Variants in GRM7 observed in about 807,000 individuals in gnomAD.
The protein encoded by GRM7 is glutamate metabotropic receptor 7, also known as metabotropic glutamate receptor 7.
A neutral mutation model predicts 84.5 loss-of-function variants in GRM7; 35 were observed. That is an observed-to-expected ratio of 0.41 (90% confidence interval 0.32 to 0.55). The LOEUF (loss-of-function observed/expected upper bound fraction) is 0.55. Ranked by LOEUF, GRM7 falls within the 20% of genes least tolerant of loss-of-function variation. GRM7 has a pLI of 0.19. For missense variants in GRM7, 1,003 were observed against 1,194.6 expected (o/e 0.84, Z 2.36); for synonymous variants, 487 against 455.1 (o/e 1.07, Z -0.89).
intron 4 of GRM7, among the ~76,000 whole-genome samples, chr3:7,408,795 C>A (rs1186726662): frequency 6.6e-6 from 1 of 152,156 alleles, no homozygotes; most frequent in African/African-American, 2.4e-5. Context: ...ATGCAAAATT[C>A]CCCATTTTGC....
At chr3:7,388,195 T>A (rs1482992584) in intron 4 of GRM7, among the ~76,000 whole-genome samples, 1 of 152,114 alleles carries the variant, frequency 6.6e-6, no homozygotes, top group African/African-American at 2.4e-5. Context: ...TTTGGCACAG[T>A]CTTAAGGGTT....
chr3:7,211,343 G>T (rs1696420931), intron 2 of GRM7, among the ~76,000 whole-genome samples: 1 of 152,156 alleles, frequency 6.6e-6, no homozygotes, highest in Admixed American at 6.5e-5. Flanking sequence ...ATTTCTTACA[G>T]GTAAGACACC....
intron 1 of GRM7, among the ~76,000 whole-genome samples, chr3:6,873,334 A>G (rs970516013): frequency 2.0e-5 from 3 of 152,102 alleles, no homozygotes; most frequent in Non-Finnish European, 4.4e-5. Context: ...TGGCCTCCCA[A>G]AGTGTTGGGA....
chr3:7,646,201 T>C (rs149920698), intron 8 of GRM7, among the ~76,000 whole-genome samples: 246 of 152,216 alleles, frequency 1.6e-3, no homozygotes, highest in African/African-American at 5.6e-3. Flanking sequence ...ATTATTATTA[T>C]TATTATTTGA....
At chr3:7,130,013 A>G (rs1238254361) in intron 1 of GRM7, among the ~76,000 whole-genome samples, 4 of 152,120 alleles carry the variant, frequency 2.6e-5, no homozygotes, top group African/African-American at 9.7e-5. Flanking sequence ...TGTGATTCGA[A>G]TTGTTTCTCA....
chr3:7,533,834 G>C (rs7650378), intron 7 of GRM7, among the ~76,000 whole-genome samples: 14 of 152,080 alleles, frequency 9.2e-5, no homozygotes, highest in Non-Finnish European at 1.9e-4. Flanking sequence ...GGTAATAGGA[G>C]CTGTGCCATC....
intron 6 of GRM7, among the ~76,000 whole-genome samples, chr3:7,459,707 C>G (rs1698161648): frequency 6.6e-6 from 1 of 152,080 alleles, no homozygotes; most frequent in African/African-American, 2.4e-5. Flanking sequence ...GTCCCTCCCA[C>G]AACACATAGG....
intron 2 of GRM7, among the ~76,000 whole-genome samples, chr3:7,263,582 G>A (rs375889279): frequency 8.5e-5 from 13 of 152,218 alleles, no homozygotes; most frequent in African/African-American, 2.9e-4. Context: ...GGTCATGTTA[G>A]CATGAGGGTG....
intron 9 of GRM7, among the ~76,000 whole-genome samples, chr3:7,734,939 G>A (rs984542650): frequency 2.6e-5 from 4 of 152,136 alleles, no homozygotes; most frequent in African/African-American, 9.7e-5. Flanking sequence ...AATGAGAATT[G>A]AGATGTTGAA....
chr3:6,999,579 G>C (rs1389457511), intron 1 of GRM7, among the ~76,000 whole-genome samples: 1 of 152,134 alleles, frequency 6.6e-6, no homozygotes, highest in African/African-American at 2.4e-5. Flanking sequence ...ACACATCTGA[G>C]ACTGGGTAAT....
At chr3:7,384,538 T>C (rs958866162) in intron 4 of GRM7, among the ~76,000 whole-genome samples, 3 of 152,226 alleles carry the variant, frequency 2.0e-5, no homozygotes, top group African/African-American at 7.2e-5. Context: ...ATTAAGTTTA[T>C]AATATATTTT....
At chr3:7,457,278 C>T (rs936905993) in intron 6 of GRM7, among the ~76,000 whole-genome samples, 1 of 152,100 alleles carries the variant, frequency 6.6e-6, no homozygotes, top group Non-Finnish European at 1.5e-5. Flanking sequence ...ACCCTAAAGG[C>T]ATTGATACAG....
chr3:6,930,378 A>T (rs339021), intron 1 of GRM7, among the ~76,000 whole-genome samples: 32,498 of 152,180 alleles, frequency 0.21, 3,629 homozygotes, highest in East Asian at 0.32. Flanking sequence ...AGTAGGCAAG[A>T]GGTCAAACGA....
At chr3:7,638,096 A>C (rs1478083229) in intron 8 of GRM7, among the ~76,000 whole-genome samples, 1 of 152,212 alleles carries the variant, frequency 6.6e-6, no homozygotes, top group Non-Finnish European at 1.5e-5. Flanking sequence ...TTATGAGTTC[A>C]ACAATTATCT....
chr3:7,458,006 G>A (rs1409557587), intron 6 of GRM7, among the ~76,000 whole-genome samples: 1 of 152,194 alleles, frequency 6.6e-6, no homozygotes, highest in Non-Finnish European at 1.5e-5. Context: ...TGGGCAGAAA[G>A]AGATATCAGG....
chr3:7,033,927 C>G (rs924952055), intron 1 of GRM7, among the ~76,000 whole-genome samples: 1 of 152,084 alleles, frequency 6.6e-6, no homozygotes, highest in Non-Finnish European at 1.5e-5. Flanking sequence ...TCCTTCTGGC[C>G]TTAGGTTACA....
intron 1 of GRM7, among the ~76,000 whole-genome samples, chr3:7,027,467 C>T (rs191323623): frequency 6.6e-4 from 100 of 152,268 alleles, no homozygotes; most frequent in African/African-American, 2.2e-3. Flanking sequence ...ATTTTGATTA[C>T]ATCCAACGAG....
chr3:7,161,650 T>A, intron 2 of GRM7, among the ~76,000 whole-genome samples: 1 of 152,324 alleles, frequency 6.6e-6, no homozygotes, highest in South Asian at 2.1e-4. Flanking sequence ...ACACTAATTA[T>A]GTGAATATAT....
intron 4 of GRM7, among the ~76,000 whole-genome samples, chr3:7,337,364 G>A (rs181617859): frequency 3.3e-5 from 5 of 152,056 alleles, no homozygotes; most frequent in East Asian, 3.9e-4. Context: ...CAAATAGTTC[G>A]TGACCAAGAA....
Sources: allele counts gnomAD v4.1 joint callset (sites outside exome capture counted in the v4.1 genomes callset), GRCh38; gene constraint gnomAD v4.1.1; transcripts MANE v1.5; gene names NCBI Gene and HGNC (gene_info 2026-07-23, HGNC 2026-07-21).